Variants in ADAM22 observed in about 807,000 individuals in gnomAD.
ADAM22 encodes disintegrin and metalloproteinase domain-containing protein 22.
A neutral mutation model predicts 144.6 loss-of-function variants in ADAM22; 65 were observed. That is an observed-to-expected ratio of 0.45 (90% CI 0.37 to 0.55). The LOEUF is 0.55. ADAM22 is among the 20% of genes least tolerant of loss of function. The pLI is 0.00. For missense variants in ADAM22, 974 were observed against 1,184.9 expected (o/e 0.82, Z 2.61); for synonymous variants, 391 against 412.6 (o/e 0.95, Z 0.63).
At chr7:87,985,438 T>G (rs1439819404) in intron 3 of ADAM22, among the ~76,000 whole-genome samples, 1 of 152,222 alleles carries the variant, frequency 6.6e-6, no homozygotes, top group Non-Finnish European at 1.5e-5. Flanking sequence ...TTAAATGCTT[T>G]TCATTTTTCA....
chr7:88,093,756 A>G (rs2129485376), intron 4 of ADAM22, among the ~76,000 whole-genome samples: 1 of 152,272 alleles, frequency 6.6e-6, no homozygotes, highest in Non-Finnish European at 1.5e-5. Context: ...CACGTTACCC[A>G]GGCTGGTCTC....
chr7:88,119,741 G>C (rs934339239), intron 7 of ADAM22, among the ~76,000 whole-genome samples: 1 of 152,182 alleles, frequency 6.6e-6, no homozygotes, highest in Non-Finnish European at 1.5e-5. Flanking sequence ...CACCCGCCTT[G>C]GCCTCCCAGA....
At chr7:87,979,622 C>CT (rs1030945141) in intron 3 of ADAM22, among the ~76,000 whole-genome samples, 3 of 152,034 alleles carry the variant, frequency 2.0e-5, no homozygotes, top group African/African-American at 7.3e-5. Context: ...GGTCTATAGT[C>CT]TTTTTCCTAC....
At chr7:88,136,246 A>G (rs1832960619) in intron 14 of ADAM22, among the ~76,000 whole-genome samples, 1 of 152,222 alleles carries the variant, frequency 6.6e-6, no homozygotes, top group Non-Finnish European at 1.5e-5. Flanking sequence ...TAGGCTATAA[A>G]CGTAAGAAAT....
intron 26 of ADAM22, among the ~76,000 whole-genome samples, 184 bp from the exon 27 acceptor site, chr7:88,178,751 C>T (rs898704667): frequency 1.3e-5 from 2 of 152,090 alleles, no homozygotes; most frequent in Non-Finnish European, 2.9e-5. Flanking sequence ...AATTGCATTT[C>T]TGGCCTCTAC....
At chr7:88,147,986 TATTA>T (rs1837051176) in intron 17 of ADAM22, among the ~76,000 whole-genome samples, 1 of 152,208 alleles carries the variant, frequency 6.6e-6, no homozygotes, top group African/African-American at 2.4e-5. Context: ...CTTGGCACGT[TATTA>T]AATATTTGAT....
At chr7:88,166,504 A>G (rs113416736) in intron 24 of ADAM22, among the ~76,000 whole-genome samples, 4 of 152,254 alleles carry the variant, frequency 2.6e-5, no homozygotes, top group African/African-American at 9.6e-5. Context: ...TATAGAAATC[A>G]AATGCAGACA....
chr7:88,192,267 A>G (rs1223415029), intron 30 of ADAM22, among the ~76,000 whole-genome samples: 1 of 152,250 alleles, frequency 6.6e-6, no homozygotes, highest in Non-Finnish European at 1.5e-5. Context: ...TGAATGGAAT[A>G]GCTACTACAG....
chr7:87,947,477 G>A (rs1051535514), intron 2 of ADAM22, among the ~76,000 whole-genome samples: 4 of 151,810 alleles, frequency 2.6e-5, no homozygotes, highest in African/African-American at 9.7e-5. Flanking sequence ...TCAAACCACA[G>A]TGTATAGCAG....
At chr7:88,053,567 G>A (rs1221706709) in intron 3 of ADAM22, among the ~76,000 whole-genome samples, 2 of 126,044 alleles carry the variant, frequency 1.6e-5, no homozygotes, top group East Asian at 2.3e-4. Context: ...AAAGAAAGAA[G>A]GAAGGAGGAA....
intron 13 of ADAM22, 67 bp downstream of exon 13, chr7:88,134,486 TA>T (rs1223775702): frequency 6.3e-6 from 8 of 1,266,970 alleles, no homozygotes; most frequent in Non-Finnish European, 7.7e-6. Flanking sequence ...TTTTGGAGAG[TA>T]AAATTTTTTG....
chr7:88,054,719 A>T (rs186659975), intron 3 of ADAM22, among the ~76,000 whole-genome samples: 3 of 151,760 alleles, frequency 2.0e-5, no homozygotes, highest in East Asian at 3.9e-4. Flanking sequence ...TTCTTTGTAC[A>T]TTCTTTCGCC....
intron 30 of ADAM22, among the ~76,000 whole-genome samples, chr7:88,188,201 T>C (rs1462974719): frequency 6.6e-6 from 1 of 152,150 alleles, no homozygotes; most frequent in Non-Finnish European, 1.5e-5. Context: ...GTTAGGGCTT[T>C]TATTCCCAAA....
intron 2 of ADAM22, among the ~76,000 whole-genome samples, chr7:87,964,994 C>A (rs1256308452): frequency 1.3e-5 from 2 of 152,164 alleles, no homozygotes; most frequent in Non-Finnish European, 2.9e-5. Context: ...TTCTCTCTTT[C>A]TTTCTCTTAC....
chr7:88,124,811 C>A (rs973074239), intron 7 of ADAM22, among the ~76,000 whole-genome samples: 1 of 151,942 alleles, frequency 6.6e-6, no homozygotes, highest in South Asian at 2.1e-4. Context: ...GCTTCTTGGT[C>A]ACAAATTTCT....
intron 22 of ADAM22, among the ~76,000 whole-genome samples, chr7:88,159,295 A>C (rs1023479320): frequency 6.6e-6 from 1 of 152,146 alleles, no homozygotes; most frequent in Non-Finnish European, 1.5e-5. Context: ...GGCCAGGACC[A>C]GACAGACTCA....
At chr7:87,970,961 C>T (rs748030623) in intron 2 of ADAM22, among the ~76,000 whole-genome samples, 1 of 152,154 alleles carries the variant, frequency 6.6e-6, no homozygotes, top group Non-Finnish European at 1.5e-5. Context: ...TTCACAGCTT[C>T]TATAAATGTC....
intron 31 of ADAM22, among the ~76,000 whole-genome samples, chr7:88,195,490 T>G (rs1850469320): frequency 6.6e-6 from 1 of 152,158 alleles, no homozygotes; most frequent in South Asian, 2.1e-4. Context: ...CCTCAGCTTG[T>G]GAGAGAGAAC....
chr7:87,991,019 T>C (rs1562933691), intron 3 of ADAM22, among the ~76,000 whole-genome samples: 1 of 152,244 alleles, frequency 6.6e-6, no homozygotes. Flanking sequence ...TTTTTATTTA[T>C]GTGATATTCA....
Sources: gnomAD v4.1 joint callset for allele counts (sites outside exome capture counted in the v4.1 genomes callset) on GRCh38, gnomAD v4.1.1 for gene constraint, MANE v1.5 for transcripts, NCBI Gene and HGNC (gene_info 2026-07-23, HGNC 2026-07-21) for gene names.